NEB: variants seen among roughly 807,000 people sequenced by gnomAD.
NEB encodes nemaline myopathy type 2.
In NEB, 512 loss-of-function variants were observed where a neutral mutation model predicts 952.2. That is an observed-to-expected ratio of 0.54 (90% CI 0.50 to 0.58). The LOEUF (loss-of-function observed/expected upper bound fraction) is 0.58. Among genes scored for constraint, NEB ranks in the 20% least tolerant of loss-of-function variants. NEB has a pLI of 0.00. For synonymous variants in NEB, 2,900 were observed against 3,149.8 expected (o/e 0.92, Z 2.66); for missense variants, 8,428 against 9,231.1 (o/e 0.91, Z 3.56).
At chr2:151,715,447 C>T (rs1224321643) in intron 10 of NEB, among the ~76,000 whole-genome samples, 2 of 152,166 alleles carry the variant, frequency 1.3e-5, no homozygotes, top group East Asian at 1.9e-4. Flanking sequence ...GAAGACCTAA[C>T]TCACAAGCAT....
Position 151,627,785 on chromosome 2 carries a change from G to C in NEB, c.9881C>G (p.Ala3294Gly). The C allele has an allele frequency of 1.2e-6, 2 of 1,613,896 alleles. No individual in the cohort carries two copies. Among genetic ancestry groups the C allele is most frequent in the Non-Finnish European group, 1.7e-6 (2 of 1,179,870 alleles). Reference protein sequence around the residue: ...YRKQLGHHIGARNIEDDPKMM... With the variant: ...YRKQLGHHIGGRNIEDDPKMM... ...CTTGGGGTCATCTTCAATGTTCCGGGCTCCAATGTGGTGGCCGAGCTGCTT... is the reference window on the plus strand; with the variant it reads ...CTTGGGGTCATCTTCAATGTTCCGGCCTCCAATGTGGTGGCCGAGCTGCTT... The change falls in exon 69 of 182, where the codon GCC becomes GGC. Residue 3294 changes from alanine to glycine, a missense_variant. Physicochemically the swap from Ala to Gly is moderately conservative, Grantham distance 60. Transcript: ENST00000397345.
At chr2:151,502,169 T>C (rs572813291) in intron 167 of NEB, among the ~76,000 whole-genome samples, 1 of 152,230 alleles carries the variant, frequency 6.6e-6, no homozygotes, top group South Asian at 2.1e-4. Context: ...AACTAAGCTA[T>C]GAGGATGCAA....
intron 13 of NEB, among the ~76,000 whole-genome samples, chr2:151,698,608 G>A (rs1161401516): frequency 6.8e-6 from 1 of 147,794 alleles, no homozygotes; most frequent in Admixed American, 6.7e-5. Context: ...CTTCATCCTT[G>A]TTGTACCCTG....
chr2:151,717,401 G>C lies in NEB; in HGVS notation c.822+15C>G. The C allele has an allele frequency of 6.4e-7, 1 of 1,566,522 alleles. No individual in the cohort carries two copies. Among genetic ancestry groups the C allele is most frequent in the Non-Finnish European group, 8.8e-7 (1 of 1,136,536 alleles). ...AGTCTTCAAGGGAGGCAATGTCCCA[G>C]CTCTATTTACTTACCTTGCTCACTT... On this transcript the variant is annotated intron_variant, in intron 10 of 181. Transcript: ENST00000397345.
chr2:151,562,396 G>A (rs1339679965), intron 120 of NEB, among the ~76,000 whole-genome samples, 182 bp from the exon 121 acceptor site: 1 of 152,180 alleles, frequency 6.6e-6, no homozygotes, highest in Non-Finnish European at 1.5e-5. Context: ...ATCAATGTCT[G>A]AGTCTATTGT....
At chr2:151,546,547 G>C in intron 133 of NEB, 104 bp from the exon 134 acceptor site, 1 of 576,254 alleles carries the variant, frequency 1.7e-6, no homozygotes, top group Non-Finnish European at 2.9e-6. Context: ...CTTTCATTTT[G>C]GTTCATCTAC....
Position 151,609,848 on chromosome 2 carries a change from G to A in NEB, c.12291C>T (p.Asp4097=), listed in dbSNP as rs1303536974. 6.2e-7 allele frequency: 1 copy of A among 1,605,224 alleles called. No individual in the cohort carries two copies. The highest frequency in any genetic ancestry group is 8.5e-7 in the Non-Finnish European group (1 of 1,174,074). Residue 4097 remains aspartate (D), a synonymous_variant, in exon 81 of 182, where the codon GAC becomes GAT. Transcript: ENST00000397345. ...CATAGGCCTTTTTTGCTTGGATAAT[G>A]TCGTTTTGATCCGGCATGCATGTCC... ...HEWTCMPDQN[D]IIQAKKAYDL...
At position 151,513,453 on chromosome 2, in the gene NEB, C is replaced by T. The variant is rs2075878139; in HGVS notation, c.23241+127G>A. 1.0e-5 allele frequency: 7 copies of T among 685,872 alleles called. No individual in the cohort carries two copies. The South Asian group carries it at 1.4e-4, about 14-fold the overall frequency. The allele number at this position is 685,872 out of a possible 1,614,324, so 42.5% of individuals were successfully genotyped here. A position where few individuals can be genotyped will look rare whatever the true frequency, so the allele number is the denominator to read the frequency against. On this transcript the variant is annotated intron_variant, in intron 160 of 181. Transcript: ENST00000397345. Reference sequence around the variant, plus strand: ...TTTCATTGGGATGGCTTCCTCCAGGCAGATGTTCAAGAATGCCATTGTATG... The same window carrying T: ...TTTCATTGGGATGGCTTCCTCCAGGTAGATGTTCAAGAATGCCATTGTATG...
At chr2:151,614,692 T>C in intron 76 of NEB, 105 bp from the exon 77 acceptor site, 7 of 1,314,532 alleles carry the variant, frequency 5.3e-6, no homozygotes, top group Non-Finnish European at 7.3e-6. Flanking sequence ...AACACTATCA[T>C]GAAGGAGAAA....
intron 68 of NEB, among the ~76,000 whole-genome samples, chr2:151,629,276 A>C (rs1426101175): frequency 1.3e-5 from 2 of 152,202 alleles, no homozygotes. Context: ...TGTAGATATG[A>C]AAAATTATAG....
intron 180 of NEB, 74 bp downstream of exon 180, chr2:151,490,298 C>G (rs1410900295): frequency 6.6e-7 from 1 of 1,509,876 alleles, no homozygotes; most frequent in African/African-American, 1.4e-5. Flanking sequence ...TTTTTGTACT[C>G]AAAGCATCTC....
Position 151,546,001 on chromosome 2 carries a change from TAAAAAAA to T in NEB, c.20467-10_20467-4del. 2 of 948,528 alleles carry T rather than the reference TAAAAAAA, an allele frequency of 2.1e-6. No individual in the cohort carries two copies. The highest frequency in any genetic ancestry group is 3.1e-6 in the Non-Finnish European group (2 of 643,014). The allele number at this position is 948,528 out of a possible 1,614,324, so 58.8% of individuals were successfully genotyped here. A position where few individuals can be genotyped will look rare whatever the true frequency, so the allele number is the denominator to read the frequency against. On this transcript the variant is annotated splice_polypyrimidine_tract_variant and splice_region_variant and intron_variant, in intron 134 of 181. Coordinates refer to ENST00000397345, the MANE Select transcript of NEB (RefSeq NM_001164508.2). Reference sequence around the variant, plus strand: ...TTATCAGTGTATAGGTAATTAGACTTAAAAAAAAAAAAAAAAACAGAAATACAAGTTG... The same window carrying T: ...TTATCAGTGTATAGGTAATTAGACTTAAAAAAAAAACAGAAATACAAGTTG...
At chr2:151,620,730 C>G (rs531334594) in intron 72 of NEB, among the ~76,000 whole-genome samples, 189 bp downstream of exon 72, 1 of 152,290 alleles carries the variant, frequency 6.6e-6, no homozygotes, top group South Asian at 2.1e-4. Flanking sequence ...GTCAAATGAG[C>G]CACATTCCAG....
At chr2:151,724,229 A>C (rs937517175) in intron 8 of NEB, 31 bp downstream of exon 8, 1 of 1,503,022 alleles carries the variant, frequency 6.7e-7, no homozygotes, top group African/African-American at 1.4e-5. Context: ...TGACATAGGA[A>C]GACAGAAGTG....
In NEB at chr2:151,687,400, G is replaced by T; in HGVS notation, c.2637+19C>A. Reference sequence around the variant, plus strand: ...GGGAGTCCATCTTGAAAACAAGACAGATTCACAAAGACACTCACATCACTC... The same window carrying T: ...GGGAGTCCATCTTGAAAACAAGACATATTCACAAAGACACTCACATCACTC... On this transcript the variant is annotated intron_variant, in intron 27 of 181. Coordinates refer to ENST00000397345, the MANE Select transcript of NEB (RefSeq NM_001164508.2). The T allele has an allele frequency of 1.3e-6, 2 of 1,594,530 alleles. No individual in the cohort carries two copies. Among genetic ancestry groups the T allele is most frequent in the Non-Finnish European group, 1.7e-6 (2 of 1,162,356 alleles).
At chr2:151,721,920 T>C (rs75127853) in intron 9 of NEB, among the ~76,000 whole-genome samples, 4,150 of 152,350 alleles carry the variant, frequency 0.027, 218 homozygotes, top group African/African-American at 0.095. Flanking sequence ...AGGATACGAC[T>C]GTATCTGTGT....
chr2:151,664,801 C>T lies in NEB; in HGVS notation c.5301G>A (p.Pro1767=), dbSNP rs150496369. 9.3e-5 allele frequency: 150 copies of T among 1,612,766 alleles called. 2 individuals are homozygous for T. The highest frequency in any genetic ancestry group is 5.9e-4 in the African/African-American group (44 of 74,954). Residue 1767 remains proline, a synonymous_variant, in exon 43 of 182, where the codon CCG becomes CCA. Transcript: ENST00000397345. ...KTTIHVMPDT[P]DILLSRVNQI... ...GGTTTACTCTGGAGAGTAAAATATC[C>T]GGTGTGTCAGGCATGACATGAATGG...
At chr2:151,636,694 T>C (rs541576803) in intron 63 of NEB, among the ~76,000 whole-genome samples, 3 of 152,218 alleles carry the variant, frequency 2.0e-5, no homozygotes, top group East Asian at 3.9e-4. Flanking sequence ...GGCAGGAGAA[T>C]TACTTGAACC....
rs762721673 is a variant in NEB, at chr2:151,551,813, G to T, written c.19869C>A (p.Val6623=). ...AVYHYDYVHS[V]RGKVAPTTKT... ...TGGTAGTTGGAGCCACTTTGCCTCT[G>T]ACACTGTGCACATAGTCATAGTGGT... Residue 6623 remains valine (V), a synonymous_variant, in exon 129 of 182, where the codon GTC becomes GTA. Coordinates refer to ENST00000397345, the MANE Select transcript of NEB (RefSeq NM_001164508.2). 6.2e-7 allele frequency: 1 copy of T among 1,613,342 alleles called. No individual in the cohort carries two copies. The highest frequency in any genetic ancestry group is 1.7e-5 in the Admixed American group (1 of 59,960).
Sources: allele counts gnomAD v4.1 joint callset (sites outside exome capture counted in the v4.1 genomes callset), GRCh38; gene constraint gnomAD v4.1.1; transcripts MANE v1.5; gene names NCBI Gene and HGNC (gene_info 2026-07-23, HGNC 2026-07-21).